PCTP: variants seen among roughly 807,000 people sequenced by gnomAD.
The protein encoded by PCTP is phosphatidylcholine transfer protein, also known as START domain-containing protein 2.
A neutral mutation model predicts 31.0 loss-of-function variants in PCTP; 27 were observed. The observed-to-expected ratio is 0.87, with a 90% CI of 0.64 to 1.20. The LOEUF is 1.20. Ranked by LOEUF, PCTP falls within the 50% of genes most tolerant of loss-of-function variation. PCTP has a pLI of 0.00. For synonymous variants in PCTP, 108 were observed against 101.2 expected (o/e 1.07, Z -0.40); for missense variants, 287 against 268.2 (o/e 1.07, Z -0.49).
intron 5 of PCTP, among the ~76,000 whole-genome samples, chr17:55,828,616 A>C (rs1024373376): frequency 6.6e-6 from 1 of 152,222 alleles, no homozygotes. Flanking sequence ...GTAAAGTCAC[A>C]TTCACAGGTA....
At chr17:55,822,737 T>C in intron 3 of PCTP, 4 of 1,220,976 alleles carry the variant, frequency 3.3e-6, no homozygotes, top group Non-Finnish European at 4.1e-6. Context: ...TCTCATCCTT[T>C]GCTCTTTCCA....
intron 3 of PCTP, among the ~76,000 whole-genome samples, chr17:55,819,663 T>C (rs1188764632): frequency 6.6e-6 from 1 of 151,998 alleles, no homozygotes; most frequent in Non-Finnish European, 1.5e-5. Context: ...GCTGAGGTGG[T>C]AGGATTGCTT....
chr17:55,825,699 T>C (rs1022584423), downstream of PCTP, among the ~76,000 whole-genome samples: 1 of 152,126 alleles, frequency 6.6e-6, no homozygotes, highest in Admixed American at 6.5e-5. Flanking sequence ...TGAAAACAGG[T>C]TTCTCTTAAC....
intron 1 of PCTP, among the ~76,000 whole-genome samples, chr17:55,759,471 T>G (rs1046427871): frequency 6.6e-5 from 10 of 152,232 alleles, no homozygotes; most frequent in African/African-American, 2.4e-4. Context: ...GCTGCAGCTT[T>G]GACTTCTGCC....
chr17:55,790,955 A>G (rs1376109495), intron 3 of PCTP, among the ~76,000 whole-genome samples: 1 of 151,564 alleles, frequency 6.6e-6, no homozygotes, highest in East Asian at 1.9e-4. Flanking sequence ...ACCAAAACAG[A>G]GATATAGATC....
chr17:55,752,193 T>C (rs890406236), intron 1 of PCTP, among the ~76,000 whole-genome samples: 1 of 152,270 alleles, frequency 6.6e-6, no homozygotes, highest in African/African-American at 2.4e-5. Context: ...GTTGCCTTTT[T>C]AGGCACTTGC....
chr17:55,842,269 T>G (rs1335656170), intron 5 of PCTP, among the ~76,000 whole-genome samples: 1 of 152,206 alleles, frequency 6.6e-6, no homozygotes, highest in African/African-American at 2.4e-5. Flanking sequence ...CAGGAAAGTC[T>G]ACAGTGAAGG....
intron 3 of PCTP, among the ~76,000 whole-genome samples, chr17:55,790,836 C>T (rs1270187258): frequency 2.0e-5 from 3 of 149,830 alleles, no homozygotes; most frequent in East Asian, 1.9e-4. Flanking sequence ...AAAAAGGGCC[C>T]GCATCACCAA....
chr17:55,849,885 G>T, the PCTP span, among the ~76,000 whole-genome samples: 7 of 151,856 alleles, frequency 4.6e-5, no homozygotes, highest in Non-Finnish European at 7.4e-5. Flanking sequence ...TTTATTCCAG[G>T]AATACAAAGA....
intron 3 of PCTP, among the ~76,000 whole-genome samples, chr17:55,803,944 A>G (rs1373215077): frequency 6.6e-6 from 1 of 152,122 alleles, no homozygotes; most frequent in Non-Finnish European, 1.5e-5. Flanking sequence ...AGAATGGGAG[A>G]AAATTTTTGC....
chr17:55,812,324 A>G (rs1912778142), intron 3 of PCTP, among the ~76,000 whole-genome samples: 1 of 152,232 alleles, frequency 6.6e-6, no homozygotes, highest in African/African-American at 2.4e-5. Context: ...TTTTACCCTC[A>G]CAACACCCAT....
downstream of PCTP, among the ~76,000 whole-genome samples, chr17:55,781,454 G>A (rs1024974022): frequency 1.3e-5 from 2 of 152,192 alleles, no homozygotes; most frequent in African/African-American, 4.8e-5. Flanking sequence ...CCTTCAGATT[G>A]GAGCTACTTC....
chr17:55,810,590 C>T (rs1317073393), intron 3 of PCTP, among the ~76,000 whole-genome samples: 4 of 152,334 alleles, frequency 2.6e-5, no homozygotes, highest in South Asian at 2.1e-4. Context: ...CTCATCTACT[C>T]GTTGTCCCTA....
intron 3 of PCTP, among the ~76,000 whole-genome samples, chr17:55,804,424 T>C (rs898450547): frequency 9.8e-5 from 15 of 152,310 alleles, no homozygotes; most frequent in Admixed American, 4.6e-4. Flanking sequence ...TGTATATTTA[T>C]TGCAGCACTA....
At chr17:55,778,918 C>T (rs1415437953), downstream of PCTP, among the ~76,000 whole-genome samples, 1 of 152,134 alleles carries the variant, frequency 6.6e-6, no homozygotes, top group Non-Finnish European at 1.5e-5. Context: ...GGGTCACTTC[C>T]CTTGAAAATG....
chr17:55,751,374 C>T (rs757387007), intron 1 of PCTP, 130 bp downstream of exon 1: 151 of 1,531,828 alleles, frequency 9.9e-5, no homozygotes, highest in Admixed American at 1.8e-4. Flanking sequence ...AGGAGCTCCG[C>T]CCGGACCCTG....
intron 3 of PCTP, among the ~76,000 whole-genome samples, chr17:55,806,001 A>T (rs946223122): frequency 4.6e-5 from 7 of 151,916 alleles, no homozygotes; most frequent in Non-Finnish European, 1.0e-4. Flanking sequence ...TTCTTCTCCA[A>T]GTGATGGGAA....
At chr17:55,807,510 T>C (rs1218827611) in intron 3 of PCTP, among the ~76,000 whole-genome samples, 5 of 152,190 alleles carry the variant, frequency 3.3e-5, no homozygotes, top group East Asian at 3.8e-4. Context: ...TTTTTCTCCC[T>C]ATTCATAGGT....
At chr17:55,840,911 C>CA (rs1262928554) in intron 5 of PCTP, among the ~76,000 whole-genome samples, 1 of 152,040 alleles carries the variant, frequency 6.6e-6, no homozygotes, top group African/African-American at 2.4e-5. Flanking sequence ...TTCCAAAATC[C>CA]AAAAAAGTCT....
Sources: gnomAD v4.1 joint callset for allele counts (sites outside exome capture counted in the v4.1 genomes callset) on GRCh38, gnomAD v4.1.1 for gene constraint, MANE v1.5 for transcripts, NCBI Gene and HGNC (gene_info 2026-07-23, HGNC 2026-07-21) for gene names.